ZNF681: variants seen among roughly 807,000 people sequenced by gnomAD.
ZNF681 encodes zinc finger protein 681.
ZNF681 carries 37 observed loss-of-function variants against 56.0 expected under a neutral mutation model. The ratio of observed to expected loss-of-function variants is 0.66; its 90% confidence interval spans 0.51 to 0.87. The LOEUF (loss-of-function observed/expected upper bound fraction) is 0.87. Among genes scored for constraint, ZNF681 ranks in the 40% least tolerant of loss-of-function variants. The pLI, the probability that ZNF681 is intolerant of heterozygous loss-of-function variation, is 0.00. For missense variants in ZNF681, 741 were observed against 744.9 expected, an observed-to-expected ratio of 0.99 and a Z score of 0.06; for synonymous variants, 225 against 248.6, an observed-to-expected ratio of 0.91 and a Z score of 0.89.
chr19:23,746,608 A>G (rs1968948323), intron 3 of ZNF681, among the ~76,000 whole-genome samples: 1 of 152,128 alleles, frequency 6.6e-6, no homozygotes, highest in Non-Finnish European at 1.5e-5. Context: ...TTCATGAGAA[A>G]TTTGCCCCCA....
chr19:23,758,877 G>A lies in ZNF681; in HGVS notation c.-128C>T, dbSNP rs1969168932. 1 of 1,333,432 alleles carries A rather than the reference G, an allele frequency of 7.5e-7. No individual in the cohort carries two copies. The highest frequency in any genetic ancestry group is 1.0e-6 in the Non-Finnish European group (1 of 955,816). 82.6% of individuals were successfully genotyped at this position (1,333,432 alleles called of 1,614,324 possible). On this transcript the variant is annotated 5_prime_UTR_variant, in exon 1 of 4. Transcript: ENST00000402377. ...AGTGAAGACGAGACCCGGAGCTCGG[G>A]CTGAAGGGAGAGACAAAGGCCCCGC...
chr19:23,752,629 C>G (rs1476848525), intron 3 of ZNF681, among the ~76,000 whole-genome samples: 2 of 152,172 alleles, frequency 1.3e-5, no homozygotes, highest in Non-Finnish European at 2.9e-5. Flanking sequence ...TACCCAAGCC[C>G]CTTGTAACAA....
chr19:23,743,826 G>A lies in ZNF681; in HGVS notation c.1724C>T (p.Ser575Leu). Residue 575 changes from serine to leucine, a missense_variant, in exon 4 of 4, where the codon TCA becomes TTA. By Grantham distance (145) the Ser-to-Leu change is moderately radical. Transcript: ENST00000402377. ...EECGKAFNQS[S>L]HLTRHKRIHT... The stretch of plus-strand genomic sequence containing the variant: ...AATTCTCTTATGTCTAGTAAGGTGT[G>A]AGGACTGGTTAAAGGCTTTACCACA... The A allele has an allele frequency of 2.5e-6, 4 of 1,613,350 alleles. No individual in the cohort carries two copies. In the South Asian group the frequency reaches 3.3e-5, roughly 13 times the overall value.
In ZNF681 at chr19:23,744,440, T is replaced by C. The variant is rs149767951; in HGVS notation, c.1110A>G (p.Glu370=). ...HTGEKPYRCE[E]CGKAFRQSSH... ...AGGACTGCCTAAAGGCTTTGCCACATTCTTCACATCTGTAGGGCTTCTCTC... is the reference window on the plus strand; with the variant it reads ...AGGACTGCCTAAAGGCTTTGCCACACTCTTCACATCTGTAGGGCTTCTCTC... Residue 370 remains glutamate (E), a synonymous_variant, in exon 4 of 4, where the codon GAA becomes GAG. Coordinates refer to ENST00000402377, the MANE Select transcript of ZNF681 (RefSeq NM_138286.3). 7.6e-6 allele frequency: 12 copies of C among 1,578,788 alleles called. No individual in the cohort carries two copies. The South Asian group carries it at 1.1e-4, about 15-fold the overall frequency.
chr19:23,753,130 G>T (rs1568311965), intron 3 of ZNF681, among the ~76,000 whole-genome samples: 1 of 152,278 alleles, frequency 6.6e-6, no homozygotes, highest in African/African-American at 2.4e-5. Context: ...CAGGCATGGT[G>T]GCTCATGCCT....
At chr19:23,747,619 G>A (rs1290520991) in intron 3 of ZNF681, among the ~76,000 whole-genome samples, 49 of 135,464 alleles carry the variant, frequency 3.6e-4, no homozygotes, top group African/African-American at 5.3e-4. Flanking sequence ...CAGCCTGGGC[G>A]AGAGAGCAAG....
At chr19:23,753,029 G>T (rs7252472) in intron 3 of ZNF681, among the ~76,000 whole-genome samples, 148,985 of 152,268 alleles carry the variant, frequency 0.98, 72,982 homozygotes, top group Middle Eastern at 1. Flanking sequence ...AATACACTCA[G>T]TAAATTAGCA....
Position 23,742,974 on chromosome 19 carries a change from A to C in ZNF681, c.*638T>G, listed in dbSNP as rs947062086. 2.6e-5 allele frequency: 4 copies of C among 152,210 alleles called. No individual in the cohort carries two copies. Among genetic ancestry groups the C allele is most frequent in the African/African-American group, 9.7e-5 (4 of 41,442 alleles). 9.4% of individuals were successfully genotyped at this position (152,210 alleles called of 1,614,324 possible). ...GCAATCTGATTTAGTGTAATGCCTG[A>C]AGTGTCAGTGCCTTAACTATTTCTA... On this transcript the variant is annotated 3_prime_UTR_variant, in exon 4 of 4. Coordinates refer to ENST00000402377, the MANE Select transcript of ZNF681 (RefSeq NM_138286.3).
rs1284277609 is a variant in ZNF681, at chr19:23,744,591, T to C, written c.959A>G (p.Asn320Ser). Reference sequence around the variant, plus strand: ...ATGTCTGGTAAGGTGTGAGGACTGGTTGAAAGCTTTGCCACATTCCTTATA... The same window carrying C: ...ATGTCTGGTAAGGTGTGAGGACTGGCTGAAAGCTTTGCCACATTCCTTATA... ...NEYKECGKAF[N>S]QSSHLTRHKI... Residue 320 changes from asparagine to serine, a missense_variant, in exon 4 of 4, where the codon AAC (asparagine) becomes AGC (serine). By Grantham distance (46) the Asn-to-Ser change is conservative. Transcript: ENST00000402377. The C allele has an allele frequency of 9.3e-6, 15 of 1,614,076 alleles. No individual in the cohort carries two copies. Among genetic ancestry groups the C allele is most frequent in the Non-Finnish European group, 1.3e-5 (15 of 1,179,964 alleles).
intron 3 of ZNF681, among the ~76,000 whole-genome samples, chr19:23,751,863 A>T (rs980780400): frequency 2.7e-4 from 41 of 151,844 alleles, no homozygotes; most frequent in African/African-American, 8.7e-4. Context: ...TTTTTTTTGT[A>T]TTTTTAGTAG....
chr19:23,748,752 T>C (rs1818988), intron 3 of ZNF681, among the ~76,000 whole-genome samples: 148,894 of 152,310 alleles, frequency 0.98, 72,875 homozygotes, highest in East Asian at 1. Context: ...ATACAAAAAT[T>C]GGAAAAAGCA....
chr19:23,758,384 A>T (rs1418445722), intron 1 of ZNF681, among the ~76,000 whole-genome samples: 1 of 152,190 alleles, frequency 6.6e-6, no homozygotes, highest in African/African-American at 2.4e-5. Flanking sequence ...ATTTTTAATG[A>T]AAGGAAAGAG....
intron 3 of ZNF681, among the ~76,000 whole-genome samples, chr19:23,747,703 T>C (rs990769150): frequency 6.6e-6 from 1 of 150,786 alleles, no homozygotes; most frequent in Non-Finnish European, 1.5e-5. Flanking sequence ...TTTAAAATTT[T>C]AAAATTTGAT....
intron 3 of ZNF681, among the ~76,000 whole-genome samples, chr19:23,753,114 TA>T (rs1456495489): frequency 5.3e-5 from 1 of 18,768 alleles, no homozygotes; most frequent in African/African-American, 1.5e-4. Flanking sequence ...AAATCTTATT[TA>T]CAGCCAGGCA....
rs1349678917 is a variant in ZNF681 at position 23,739,401 on chromosome 19, A to C, written c.*4211T>G. The C allele has an allele frequency of 6.6e-6, 1 of 152,188 alleles. No individual in the cohort carries two copies. Among genetic ancestry groups the C allele is most frequent in the Non-Finnish European group, 1.5e-5 (1 of 68,036 alleles). The allele number at this position is 152,188 out of a possible 1,614,324, so 9.4% of individuals were successfully genotyped here. ...AGTTGAATAGGAGAAATAAGTTCAA[A>C]AAAGCTTTTGTACTGCATGGTGCCT... On this transcript the variant is annotated 3_prime_UTR_variant, in exon 4 of 4. Coordinates refer to ENST00000402377, the MANE Select transcript of ZNF681 (RefSeq NM_138286.3).
chr19:23,753,873 A>AAAG (rs1969073662), intron 3 of ZNF681, among the ~76,000 whole-genome samples: 1 of 150,998 alleles, frequency 6.6e-6, no homozygotes, highest in Non-Finnish European at 1.5e-5. Context: ...AAAAAAAAAA[A>AAAG]AAAAGTGCCA....
At chr19:23,758,677 A>C (rs1275657205) in intron 1 of ZNF681, 70 bp downstream of exon 1, 1 of 1,612,362 alleles carries the variant, frequency 6.2e-7, no homozygotes, top group Non-Finnish European at 8.5e-7. Flanking sequence ...TGTGGAGCTG[A>C]CTGCGGCGAG....
chr19:23,753,907 T>C (rs1969074473), intron 3 of ZNF681, among the ~76,000 whole-genome samples: 1 of 148,076 alleles, frequency 6.8e-6, no homozygotes, highest in African/African-American at 2.5e-5. Flanking sequence ...GATCTATAGA[T>C]TCAATAAACT....
intron 3 of ZNF681, among the ~76,000 whole-genome samples, chr19:23,750,304 CCAAA>C (rs144375109): frequency 0.12 from 576 of 4,808 alleles, 56 homozygotes; most frequent in African/African-American, 0.21. Flanking sequence ...AAAAAAAAAA[CCAAA>C]AAACAACTAA....
Sources: allele counts gnomAD v4.1 joint callset (sites outside exome capture counted in the v4.1 genomes callset), GRCh38; gene constraint gnomAD v4.1.1; transcripts MANE v1.5; gene names NCBI Gene and HGNC (gene_info 2026-07-23, HGNC 2026-07-21).